Variants in ALMS1 observed in about 807,000 individuals in gnomAD.
ALMS1 encodes the protein ALMS1 centrosome and basal body associated protein.
ALMS1 carries 271 observed loss-of-function variants against 352.2 expected under a neutral mutation model. That is an observed-to-expected ratio of 0.77 (90% confidence interval 0.70 to 0.85). The LOEUF is 0.85. Among genes scored for constraint, ALMS1 ranks in the 40% least tolerant of loss-of-function variants. The pLI is 0.00. For synonymous variants in ALMS1, 1,865 were observed against 1,761.2 expected (o/e 1.06, Z -1.48); for missense variants, 5,445 against 4,870.7 (o/e 1.12, Z -3.51).
At chr2:73,458,838 T>G (rs771196988) in intron 9 of ALMS1, 1 of 152,328 alleles carries the variant, frequency 6.6e-6, no homozygotes, top group Non-Finnish European at 1.5e-5. Context: ...CCCAAAGAGA[T>G]ATTTTGGAAA....
chr2:73,543,300 G>A (rs58372292), intron 12 of ALMS1, among the ~76,000 whole-genome samples: 233 of 152,222 alleles, frequency 1.5e-3, no homozygotes, highest in African/African-American at 5.3e-3. Context: ...TGCTGGGAAA[G>A]CTGCCTAGCC....
intron 21 of ALMS1, among the ~76,000 whole-genome samples, chr2:73,606,853 A>G (rs1006729292): frequency 1.3e-5 from 2 of 152,140 alleles, no homozygotes; most frequent in African/African-American, 4.8e-5. Flanking sequence ...ACCTATCTCT[A>G]CCAAAGATAT....
intron 10 of ALMS1, among the ~76,000 whole-genome samples, chr2:73,511,684 T>G (rs987872948): frequency 6.6e-6 from 1 of 152,142 alleles, no homozygotes; most frequent in Non-Finnish European, 1.5e-5. Context: ...TCTATGACAG[T>G]GGGTCTCAAC....
intron 16 of ALMS1, among the ~76,000 whole-genome samples, chr2:73,575,170 T>G (rs1488372965): frequency 2.0e-5 from 3 of 152,226 alleles, no homozygotes; most frequent in African/African-American, 7.2e-5. Context: ...TCCATTCATT[T>G]ATTGATTTGG....
chr2:73,535,749 G>T (rs998350570), intron 12 of ALMS1, among the ~76,000 whole-genome samples: 1 of 152,142 alleles, frequency 6.6e-6, no homozygotes, highest in Admixed American at 6.5e-5. Context: ...TAAGTTAAGG[G>T]TGCAGAGTTA....
At chr2:73,522,153 A>G (rs1019776800) in intron 11 of ALMS1, among the ~76,000 whole-genome samples, 2 of 152,154 alleles carry the variant, frequency 1.3e-5, no homozygotes, top group African/African-American at 4.8e-5. Flanking sequence ...GTTCTTGAGA[A>G]CTTCAAAAAA....
chr2:73,395,103 A>G (rs1370954149), intron 1 of ALMS1, among the ~76,000 whole-genome samples: 6 of 90,660 alleles, frequency 6.6e-5, no homozygotes, highest in Non-Finnish European at 1.3e-4. Flanking sequence ...TTTTTTTGAG[A>G]CAGAGTCTCG....
In ALMS1 at chr2:73,537,395, A is replaced by T. The variant is rs572778969; in HGVS notation, c.9907+2446A>T. ...GTCTTATCTCTGGCTGACCTTGAGGATCTGTACAAGAAGAAAAGGGAAGGC... is the reference window on the plus strand; with the variant it reads ...GTCTTATCTCTGGCTGACCTTGAGGTTCTGTACAAGAAGAAAAGGGAAGGC... On this transcript the variant is annotated intron_variant, in intron 12 of 22. Coordinates refer to ENST00000613296, the MANE Select transcript of ALMS1 (RefSeq NM_001378454.1). Among the ~76,000 whole-genome samples, 12 of 152,314 alleles carry T rather than the reference A, an allele frequency of 7.9e-5. No individual in the cohort carries two copies. The South Asian group carries it at 2.3e-3, about 29-fold the overall frequency.
intron 12 of ALMS1, among the ~76,000 whole-genome samples, chr2:73,542,648 TA>T (rs1400020357): frequency 6.6e-6 from 1 of 152,218 alleles, no homozygotes; most frequent in Admixed American, 6.5e-5. Context: ...CTTAAGCTGA[TA>T]AGCAACTTCA....
At chr2:73,539,333 A>G (rs2104002115) in intron 12 of ALMS1, among the ~76,000 whole-genome samples, 1 of 152,266 alleles carries the variant, frequency 6.6e-6, no homozygotes, top group East Asian at 1.9e-4. Flanking sequence ...CCTGACTGTT[A>G]CTAACAAACA....
At chr2:73,398,340 A>G (rs571732824) in intron 1 of ALMS1, among the ~76,000 whole-genome samples, 58 of 152,258 alleles carry the variant, frequency 3.8e-4, no homozygotes, top group African/African-American at 1.3e-3. Flanking sequence ...TTATTGATCA[A>G]TGTGTCTATT....
chr2:73,431,672 G>A (rs985389776), intron 6 of ALMS1, among the ~76,000 whole-genome samples: 12 of 152,234 alleles, frequency 7.9e-5, no homozygotes, highest in African/African-American at 2.2e-4. Flanking sequence ...ACTTATGCTT[G>A]TTGGTAACCG....
Position 73,449,622 on chromosome 2 carries a change from G to A in ALMS1, c.3095G>A (p.Gly1032Asp). Residue 1032 changes from glycine to aspartate, a missense_variant, in exon 8 of 23, where the codon GGC becomes GAC. Coordinates refer to ENST00000613296, the MANE Select transcript of ALMS1 (RefSeq NM_001378454.1). ...ATEKALKVST[G>D]PGPADQKTEI... is the part of the protein sequence containing the mutation. ...GAAAAGGCTCTGAAAGTTTCAACTGGCCCTGGACCAGCTGACCAGAAGACT... is the reference window on the plus strand; with the variant it reads ...GAAAAGGCTCTGAAAGTTTCAACTGACCCTGGACCAGCTGACCAGAAGACT... The A allele has an allele frequency of 6.2e-7, 1 of 1,613,710 alleles. No homozygotes were observed. The highest frequency in any genetic ancestry group is 8.5e-7 in the Non-Finnish European group (1 of 1,179,860).
chr2:73,509,637 C>T (rs1673408429), intron 10 of ALMS1, among the ~76,000 whole-genome samples: 3 of 152,200 alleles, frequency 2.0e-5, no homozygotes, highest in African/African-American at 7.2e-5. Flanking sequence ...TGCTGTTAGT[C>T]TGATGGGCTT....
Position 73,447,980 on chromosome 2 carries a change from A to T in ALMS1, c.1453A>T (p.Ile485Leu). 6.2e-7 allele frequency: 1 copy of T among 1,612,526 alleles called. No individual in the cohort carries two copies. The highest frequency in any genetic ancestry group is 1.3e-5 in the African/African-American group (1 of 74,950). The change falls in exon 8 of 23, where the codon ATA (isoleucine) becomes TTA (leucine). Residue 485 changes from isoleucine (I) to leucine (L), a missense_variant. By Grantham distance (5) the Ile-to-Leu change is conservative. Transcript: ENST00000613296. ...TTTAGGAGACACTTCTAAAGGAGGC[A>T]TAGCTAAAGTTACTCAATCCAACTT... ...LKAGDTSKGG[I>L]AKVTQSNLKS...
chr2:73,510,654 C>A (rs536021199), intron 10 of ALMS1, among the ~76,000 whole-genome samples: 1 of 152,290 alleles, frequency 6.6e-6, no homozygotes, highest in East Asian at 1.9e-4. Flanking sequence ...CTGTCGACCC[C>A]TGCTGGTAGG....
Position 73,575,669 on chromosome 2 carries a change from G to T in ALMS1, c.11547+2245G>T, listed in dbSNP as rs577720045. On this transcript the variant is annotated intron_variant, in intron 16 of 22. Transcript: ENST00000613296. ...TCATTTGGCCATTTTAAATCTGGCT[G>T]TTTGATTTTTTGGTTTTTGAGTTGT... Among the ~76,000 whole-genome samples, 6 of 152,170 alleles carry T rather than the reference G, an allele frequency of 3.9e-5. No individual in the cohort carries two copies. The South Asian group carries it at 1.2e-3, about 32-fold the overall frequency.
chr2:73,414,828 A>T (rs1251800970), intron 2 of ALMS1, among the ~76,000 whole-genome samples: 1 of 152,188 alleles, frequency 6.6e-6, no homozygotes, highest in South Asian at 2.1e-4. Context: ...GTATGACTCA[A>T]ATGTGGTTTT....
chr2:73,545,327 C>T (rs1419491057), intron 12 of ALMS1, among the ~76,000 whole-genome samples: 2 of 151,760 alleles, frequency 1.3e-5, no homozygotes, highest in Non-Finnish European at 2.9e-5. Flanking sequence ...ATTATAGGCA[C>T]CCACCACCAC....
Sources: allele counts gnomAD v4.1 joint callset (sites outside exome capture counted in the v4.1 genomes callset), GRCh38; gene constraint gnomAD v4.1.1; transcripts MANE v1.5; gene names NCBI Gene and HGNC (gene_info 2026-07-23, HGNC 2026-07-21).